The following UBR4 variants were observed in gnomAD, a reference collection of about 807,000 sequenced individuals.
UBR4 encodes the protein E3 ubiquitin-protein ligase UBR4.
Under a neutral mutation model 575.6 loss-of-function variants are expected in UBR4, and 124 were observed. The ratio of observed to expected loss-of-function variants is 0.22; its 90% CI spans 0.19 to 0.25. The LOEUF is 0.25. UBR4 is among the 10% of genes least tolerant of loss of function. The pLI, the probability that UBR4 is intolerant of heterozygous loss-of-function variation, is 1.00. For missense variants in UBR4, 4,818 were observed against 6,478.8 expected (o/e 0.74, Z 8.80); for synonymous variants, 2,455 against 2,473.7 (o/e 0.99, Z 0.22).
chr1:19,170,690 G>A (rs2089388052), intron 26 of UBR4, 72 bp downstream of exon 26: 21 of 1,599,662 alleles, frequency 1.3e-5, no homozygotes, highest in Non-Finnish European at 1.8e-5. Context: ...AGGCACCAAG[G>A]GAGAGAAGCC....
chr1:19,186,716 A>AGATT, intron 13 of UBR4, 59 bp from the exon 14 acceptor site: 1 of 1,525,168 alleles, frequency 6.6e-7, no homozygotes, highest in Non-Finnish European at 9.0e-7. Context: ...GCATCGCATG[A>AGATT]AAACTTTCTC....
Position 19,164,901 on chromosome 1 carries a change from C to A in UBR4, c.4409G>T (p.Arg1470Leu), listed in dbSNP as rs369985401. 5.6e-6 allele frequency: 9 copies of A among 1,614,146 alleles called. No homozygotes were observed. Among genetic ancestry groups the A allele is most frequent in the African/African-American group, 2.7e-5 (2 of 75,026 alleles). ...EPVRLQAWLTRMTTSPPKDSD... is the reference protein window; with the variant it reads ...EPVRLQAWLTLMTTSPPKDSD... The stretch of plus-strand genomic sequence containing the variant: ...ATCTTTTGGGGGCGATGTAGTCATG[C>A]GGGTGAGCCAGGCCTGCAGGCGCAC... The change falls in exon 32 of 106, where the codon CGC (arginine) becomes CTC (leucine). Residue 1470 changes from arginine to leucine, a missense_variant. Arg to Leu is a moderately radical substitution (Grantham distance 102). Transcript: ENST00000375254.
intron 30 of UBR4, 40 bp from the exon 31 acceptor site, chr1:19,165,389 TA>T: frequency 6.6e-7 from 1 of 1,517,222 alleles, no homozygotes; most frequent in Non-Finnish European, 9.1e-7. Context: ...AGAATCACAT[TA>T]AAGCCCCACA....
At chr1:19,187,652 G>C (rs2091673512) in intron 11 of UBR4, 112 bp from the exon 12 acceptor site, 4 of 984,842 alleles carry the variant, frequency 4.1e-6, no homozygotes, top group Non-Finnish European at 6.0e-6. Context: ...CAGACTCTGT[G>C]GACCTTCAGA....
intron 94 of UBR4, among the ~76,000 whole-genome samples, chr1:19,094,650 C>A (rs2077848772): frequency 6.6e-6 from 1 of 152,270 alleles, no homozygotes; most frequent in African/African-American, 2.4e-5. Context: ...TGTCTATCAA[C>A]TGAGACATGC....
At chr1:19,208,015 G>A (rs560995467) in intron 1 of UBR4, among the ~76,000 whole-genome samples, 51 of 152,270 alleles carry the variant, frequency 3.3e-4, no homozygotes, top group Non-Finnish European at 6.0e-4. Context: ...ATAACAAACT[G>A]AACACTTGAT....
rs138657106 is a variant in UBR4 at position 19,107,777 on chromosome 1, C to A, written c.12106-811G>T. Among the ~76,000 whole-genome samples the A allele has an allele frequency of 5.4e-4, 82 of 151,434 alleles. 1 individual carries two copies. Among genetic ancestry groups the A allele is most frequent in the Non-Finnish European group, 2.1e-4 (14 of 67,892 alleles). ...TCCAGCCTGGGTGACAGAATGGGAC[C>A]CTGTCTCAAAAAAAAAATAAAAAAT... On this transcript the variant is annotated intron_variant, in intron 81 of 105. Transcript: ENST00000375254.
At chr1:19,081,181 G>A in intron 103 of UBR4, 168 bp downstream of exon 103, 1 of 610,418 alleles carries the variant, frequency 1.6e-6, no homozygotes, top group Non-Finnish European at 2.8e-6. Context: ...CAACCTGCCA[G>A]CCATCAGCTT....
At chr1:19,182,233 C>A (rs903270367) in intron 17 of UBR4, among the ~76,000 whole-genome samples, 1 of 152,152 alleles carries the variant, frequency 6.6e-6, no homozygotes, top group African/African-American at 2.4e-5. Context: ...CATCTTCTGG[C>A]TACTGTGAAT....
chr1:19,161,857 A>G lies in UBR4; in HGVS notation c.4997T>C (p.Ile1666Thr). ...SLCNKLCTFT[I>T]TQKEFMNQHW... ...CTGGTTCATGAATTCTTTCTGTGTG[A>G]TCGTAAAAGTGCAGAGTTTATTGCA... is the stretch of plus-strand genomic sequence containing the variant. Residue 1666 changes from isoleucine to threonine, a missense_variant, in exon 36 of 106, where the codon ATC (isoleucine) becomes ACC (threonine). Physicochemically the swap from Ile to Thr is moderately conservative, Grantham distance 89. This residue lies in a region of UBR4 where 18 missense variants were observed against 37.3 expected (regional missense o/e 0.48). Coordinates refer to ENST00000375254, the MANE Select transcript of UBR4 (RefSeq NM_020765.3). The G allele has an allele frequency of 6.2e-7, 1 of 1,614,246 alleles. No individual in the cohort carries two copies. The highest frequency in any genetic ancestry group is 8.5e-7 in the Non-Finnish European group (1 of 1,180,040).
intron 29 of UBR4, among the ~76,000 whole-genome samples, chr1:19,166,000 G>C (rs369673904): frequency 6.6e-6 from 1 of 152,204 alleles, no homozygotes; most frequent in African/African-American, 2.4e-5. Flanking sequence ...AACAGGAAAG[G>C]CATCTAAAGC....
rs772324068 is a variant in UBR4, at chr1:19,138,034, G to A, written c.8879C>T (p.Thr2960Ile). The change falls in exon 60 of 106, where the codon ACT becomes ATT. Residue 2960 changes from threonine (T) to isoleucine (I), a missense_variant. By Grantham distance (89) the Thr-to-Ile change is moderately conservative. Coordinates refer to ENST00000375254, the MANE Select transcript of UBR4 (RefSeq NM_020765.3). Reference protein sequence around the residue: ...DGSEGEGEGETEGDVHTSNRL... With the variant: ...DGSEGEGEGEIEGDVHTSNRL... Reference sequence around the variant, plus strand: ...GTTGCTAGTGTGGACATCTCCTTCAGTTTCTCCTTCTCCTTCTCCCTCGGA... The same window carrying A: ...GTTGCTAGTGTGGACATCTCCTTCAATTTCTCCTTCTCCTTCTCCCTCGGA... 6.4e-7 allele frequency: 1 copy of A among 1,573,816 alleles called. No individual in the cohort carries two copies. The highest frequency in any genetic ancestry group is 8.7e-7 in the Non-Finnish European group (1 of 1,154,734).
intron 28 of UBR4, among the ~76,000 whole-genome samples, chr1:19,167,648 A>G (rs1238221746): frequency 6.6e-6 from 1 of 152,238 alleles, no homozygotes; most frequent in Non-Finnish European, 1.5e-5. Flanking sequence ...TAAGAAGACA[A>G]TAGTCCCTCC....
intron 21 of UBR4, 28 bp downstream of exon 21, chr1:19,174,926 T>C: frequency 3.1e-6 from 5 of 1,600,722 alleles, no homozygotes; most frequent in East Asian, 2.2e-5. Flanking sequence ...GACCCACATA[T>C]AAAATGCAGT....
rs115556321 is a variant in UBR4 at position 19,100,784 on chromosome 1, C to A, written c.13024-211G>T. On this transcript the variant is annotated intron_variant, in intron 88 of 105. Coordinates refer to ENST00000375254, the MANE Select transcript of UBR4 (RefSeq NM_020765.3). The surrounding 1 kb of genome is among the most constrained non-coding windows in gnomAD (Gnocchi z 4.2). ...AAAATATCAAGCATCTACCCTGAAACCCCAGGGTGGATTAGGAGATAAAGC... is the reference window on the plus strand; with the variant it reads ...AAAATATCAAGCATCTACCCTGAAAACCCAGGGTGGATTAGGAGATAAAGC... Among the ~76,000 whole-genome samples, 1 of 151,818 alleles carries A rather than the reference C, an allele frequency of 6.6e-6. No individual in the cohort carries two copies. The highest frequency in any genetic ancestry group is 1.5e-5 in the Non-Finnish European group (1 of 67,984).
intron 86 of UBR4, 27 bp downstream of exon 86, chr1:19,104,558 T>TA (rs1372381236): frequency 6.2e-7 from 1 of 1,612,810 alleles, no homozygotes; most frequent in Non-Finnish European, 8.5e-7. Flanking sequence ...CAGGATGCCC[T>TA]AAAGGAAGGT....
chr1:19,131,149 T>C lies in UBR4; in HGVS notation c.8907-2075A>G, dbSNP rs192886940. Among the ~76,000 whole-genome samples the C allele has an allele frequency of 4.1e-5, 6 of 147,306 alleles. No individual in the cohort carries two copies. In the East Asian group the frequency reaches 1.2e-3, roughly 30 times the overall value. On this transcript the variant is annotated intron_variant, in intron 60 of 105. Coordinates refer to ENST00000375254, the MANE Select transcript of UBR4 (RefSeq NM_020765.3). ...ATCTCAAACTCCTAGGCTCAAAAGA[T>C]CCTCCCACTTCAGCCTCCCAAAGTG...
Position 19,210,196 on chromosome 1 carries a change from G to C in UBR4, c.53C>G (p.Thr18Ser). Residue 18 changes from threonine (T) to serine (S), a missense_variant, in exon 1 of 106, where the codon ACC becomes AGC. By Grantham distance (58) the Thr-to-Ser change is moderately conservative. Coordinates refer to ENST00000375254, the MANE Select transcript of UBR4 (RefSeq NM_020765.3). The part of the protein sequence containing the change: ...EAAAAAPAPG[T>S]PATGADTTPG... ...GGTCGTGTCCGCCCCCGTTGCCGGGGTCCCCGGCGCCGGAGCCGCTGCCGC... is the reference window on the plus strand; with the variant it reads ...GGTCGTGTCCGCCCCCGTTGCCGGGCTCCCCGGCGCCGGAGCCGCTGCCGC... The C allele has an allele frequency of 2.7e-6, 4 of 1,476,838 alleles. No homozygotes were observed. Among genetic ancestry groups the C allele is most frequent in the Non-Finnish European group, 3.6e-6 (4 of 1,118,670 alleles). The allele number at this position is 1,476,838 out of a possible 1,614,324, so 91.5% of individuals were successfully genotyped here. A position where few individuals can be genotyped will look rare whatever the true frequency, so the allele number is the denominator to read the frequency against.
rs574698801 is a variant in UBR4 at position 19,126,180 on chromosome 1, A to G, written c.9438+266T>C. 7.9e-4 allele frequency among the ~76,000 whole-genome samples: 121 copies of G among 152,286 alleles called. 1 individual carries two copies. The highest frequency in any genetic ancestry group is 2.6e-3 in the African/African-American group (108 of 41,562). On this transcript the variant is annotated intron_variant, in intron 64 of 105. Coordinates refer to ENST00000375254, the MANE Select transcript of UBR4 (RefSeq NM_020765.3). ...TCATGACATTAGCTTGTACCTTCTC[A>G]TCTTTTTCTAAACTTAATGTGAAAC...
Sources: allele counts gnomAD v4.1 joint callset (sites outside exome capture counted in the v4.1 genomes callset), GRCh38; gene constraint gnomAD v4.1.1; regional missense constraint gnomAD v4.1.1; non-coding constraint Gnocchi (gnomAD v3.1); transcripts MANE v1.5; gene names NCBI Gene and HGNC (gene_info 2026-07-23, HGNC 2026-07-21).